Variants in MACROD2 observed in about 807,000 individuals in gnomAD.
MACROD2 encodes the protein ADP-ribose glycohydrolase MACROD2.
MACROD2 carries 36 observed loss-of-function variants against 70.4 expected under a neutral mutation model. The ratio of observed to expected loss-of-function variants is 0.51; its 90% CI spans 0.39 to 0.68. The LOEUF (loss-of-function observed/expected upper bound fraction) is 0.68. Among genes scored for constraint, MACROD2 ranks in the 30% least tolerant of loss-of-function variants. The pLI is 0.00. For missense variants in MACROD2, 496 were observed against 538.4 expected, an observed-to-expected ratio of 0.92 and a Z score of 0.78; for synonymous variants, 172 against 178.8, an observed-to-expected ratio of 0.96 and a Z score of 0.30.
chr20:15,502,783 C>G (rs1425301591), intron 8 of MACROD2, among the ~76,000 whole-genome samples: 2 of 152,086 alleles, frequency 1.3e-5, no homozygotes, highest in Admixed American at 6.5e-5. Flanking sequence ...CAAACTACCC[C>G]CAAATCTTGG....
chr20:14,989,868 G>A (rs1288160645), intron 5 of MACROD2, among the ~76,000 whole-genome samples: 1 of 152,122 alleles, frequency 6.6e-6, no homozygotes, highest in African/African-American at 2.4e-5. Flanking sequence ...CTTTTTGCTA[G>A]TCATGTGAAA....
chr20:15,620,399 G>A (rs2049108604), intron 8 of MACROD2, among the ~76,000 whole-genome samples: 1 of 152,074 alleles, frequency 6.6e-6, no homozygotes, highest in African/African-American at 2.4e-5. Context: ...TTAGATCATT[G>A]GAGGAAAAAA....
chr20:15,427,766 A>G (rs1159180131), intron 6 of MACROD2, among the ~76,000 whole-genome samples: 6 of 152,178 alleles, frequency 3.9e-5, no homozygotes, highest in Non-Finnish European at 7.3e-5. Context: ...GTGGCTTTTT[A>G]TAGCTGAGGC....
intron 8 of MACROD2, among the ~76,000 whole-genome samples, chr20:15,853,148 A>G (rs2064318845): frequency 6.6e-6 from 1 of 152,222 alleles, no homozygotes; most frequent in South Asian, 2.1e-4. Flanking sequence ...GGACTCAGCA[A>G]GTGAACACTG....
intron 5 of MACROD2, among the ~76,000 whole-genome samples, chr20:14,729,043 T>C (rs2071562555): frequency 1.3e-5 from 2 of 152,132 alleles, no homozygotes; most frequent in Admixed American, 1.3e-4. Context: ...CTCCTTAGGA[T>C]TTTCTAATGA....
At chr20:14,661,961 G>T (rs1371127171) in intron 4 of MACROD2, among the ~76,000 whole-genome samples, 1 of 152,106 alleles carries the variant, frequency 6.6e-6, no homozygotes, top group African/African-American at 2.4e-5. Context: ...ATAAGCAATT[G>T]TGAGAAACGG....
At chr20:13,999,141 ATCT>A (rs1007902279) in intron 1 of MACROD2, among the ~76,000 whole-genome samples, 9 of 151,714 alleles carry the variant, frequency 5.9e-5, no homozygotes, top group African/African-American at 2.2e-4. Context: ...TTTATCCCAT[ATCT>A]TCTTTGAGTT....
intron 2 of MACROD2, among the ~76,000 whole-genome samples, chr20:14,013,210 A>G (rs944143703): frequency 2.6e-5 from 4 of 151,844 alleles, no homozygotes; most frequent in African/African-American, 9.7e-5. Context: ...TTATTGAAAG[A>G]ATCAATGTAT....
At chr20:14,045,792 A>G (rs1194393009) in intron 2 of MACROD2, among the ~76,000 whole-genome samples, 6 of 152,230 alleles carry the variant, frequency 3.9e-5, no homozygotes, top group Admixed American at 3.9e-4. Context: ...TAAAAACATG[A>G]GCAGGGAGCA....
At chr20:15,847,809 GTCTTC>G (rs1312131214) in intron 8 of MACROD2, among the ~76,000 whole-genome samples, 2 of 152,070 alleles carry the variant, frequency 1.3e-5, no homozygotes, top group African/African-American at 2.4e-5. Flanking sequence ...CTATGCCGTA[GTCTTC>G]TCTTCTTTCT....
chr20:14,721,499 A>G (rs1429630514), intron 5 of MACROD2, among the ~76,000 whole-genome samples: 2 of 152,146 alleles, frequency 1.3e-5, no homozygotes, highest in African/African-American at 4.8e-5. Context: ...TCAGTTCTGT[A>G]AGAAGTGTCT....
chr20:14,349,333 T>C (rs2083097129), intron 3 of MACROD2, among the ~76,000 whole-genome samples: 1 of 151,098 alleles, frequency 6.6e-6, no homozygotes, highest in African/African-American at 2.4e-5. Context: ...AAGAATGCAA[T>C]GTATAATAAT....
At chr20:16,010,991 G>GCTTT (rs2066855639) in intron 15 of MACROD2, among the ~76,000 whole-genome samples, 1 of 152,186 alleles carries the variant, frequency 6.6e-6, no homozygotes, top group South Asian at 2.1e-4. Flanking sequence ...GTGAGGAAAG[G>GCTTT]CTTTCCTGGG....
At chr20:15,866,515 T>C (rs1226845914) in intron 9 of MACROD2, among the ~76,000 whole-genome samples, 1 of 152,196 alleles carries the variant, frequency 6.6e-6, no homozygotes, top group East Asian at 1.9e-4. Context: ...TGATACCCTA[T>C]GTTTTAGGCA....
intron 2 of MACROD2, among the ~76,000 whole-genome samples, chr20:14,085,046 G>A (rs1447259349): frequency 2.2e-5 from 3 of 137,076 alleles, no homozygotes; most frequent in Admixed American, 7.3e-5. Context: ...GGGTGGTGGG[G>A]GAGAGGTGGG....
At chr20:14,464,091 A>G (rs2084407312) in intron 3 of MACROD2, among the ~76,000 whole-genome samples, 1 of 152,012 alleles carries the variant, frequency 6.6e-6, no homozygotes. Context: ...ATTGATTGGA[A>G]TAGTTTCAGA....
At chr20:15,023,395 G>T (rs1199465285) in intron 5 of MACROD2, among the ~76,000 whole-genome samples, 1 of 152,076 alleles carries the variant, frequency 6.6e-6, no homozygotes, top group Admixed American at 6.6e-5. Context: ...CTCACTCTTG[G>T]CTCTTAAATA....
At chr20:15,900,312 T>G (rs2065045554) in intron 10 of MACROD2, among the ~76,000 whole-genome samples, 1 of 152,186 alleles carries the variant, frequency 6.6e-6, no homozygotes, top group African/African-American at 2.4e-5. Flanking sequence ...CTTTAAAATA[T>G]CAAGAATTTA....
At chr20:16,044,547 C>CTTTT in intron 16 of MACROD2, 24 bp from the exon 17 acceptor site, 3 of 1,329,536 alleles carry the variant, frequency 2.3e-6, no homozygotes, top group Non-Finnish European at 3.1e-6. Context: ...GAATATTTAA[C>CTTTT]TTTTTTTTTT....
Sources: gnomAD v4.1 joint callset for allele counts (sites outside exome capture counted in the v4.1 genomes callset) on GRCh38, gnomAD v4.1.1 for gene constraint, MANE v1.5 for transcripts, NCBI Gene and HGNC (gene_info 2026-07-23, HGNC 2026-07-21) for gene names.